LIN37: variants seen among roughly 807,000 people sequenced by gnomAD.
LIN37 encodes lin-37 DREAM MuvB core complex component, also known as protein lin-37 homolog.
Under a neutral mutation model 38.0 loss-of-function variants are expected in LIN37, and 21 were observed. The observed-to-expected ratio is 0.55, with a 90% CI of 0.39 to 0.80. The LOEUF (loss-of-function observed/expected upper bound fraction) is 0.80, where lower values mean the gene tolerates loss of function less well. LIN37 is among the 30% of genes least tolerant of loss of function. The pLI is 0.00. For missense variants in LIN37, 273 were observed against 338.5 expected (o/e 0.81, Z 1.52); for synonymous variants, 126 against 122.9 (o/e 1.03, Z -0.17).
intron 1 of LIN37, among the ~76,000 whole-genome samples, chr19:35,751,383 C>T (rs982863616): frequency 6.6e-6 from 1 of 152,198 alleles, no homozygotes; most frequent in African/African-American, 2.4e-5. Context: ...CCAGATTCTG[C>T]ACTCAGGTTG....
chr19:35,751,140 G>A (rs1009345818), intron 1 of LIN37, among the ~76,000 whole-genome samples: 4 of 151,852 alleles, frequency 2.6e-5, no homozygotes, highest in African/African-American at 9.7e-5. Flanking sequence ...GGTCAACGTG[G>A]TAAGACCCCA....
chr19:35,752,658 C>A (rs1599736921), intron 3 of LIN37, 146 bp from the exon 4 acceptor site: 2 of 1,306,098 alleles, frequency 1.5e-6, no homozygotes, highest in East Asian at 5.0e-5. Context: ...GCCACCTAGA[C>A]CCCCATGGGT....
rs766577305 is a variant in LIN37, at chr19:35,753,320, G to A, written c.444+67G>A. On this transcript the variant is annotated intron_variant, in intron 6 of 8. Transcript: ENST00000301159. ...GGGCAGTGGGTGGATAGGCTCAAAG[G>A]ATCCTGCCCCTAAGCTAGTGGGATA... 1.7e-5 allele frequency: 26 copies of A among 1,512,748 alleles called. 1 individual carries two copies. The South Asian group carries it at 2.9e-4, about 17-fold the overall frequency. The allele number at this position is 1,512,748 out of a possible 1,614,324, so 93.7% of individuals were successfully genotyped here.
At chr19:35,748,966 C>G in intron 1 of LIN37, 1 of 1,436,918 alleles carries the variant, frequency 7.0e-7, no homozygotes, top group Non-Finnish European at 9.2e-7. Flanking sequence ...AATGGGGTGG[C>G]TCGGGCAATG....
chr19:35,753,335 C>A (rs900533471), intron 6 of LIN37, 82 bp downstream of exon 6: 2 of 1,461,232 alleles, frequency 1.4e-6, no homozygotes, highest in African/African-American at 1.4e-5. Context: ...TGCCCCTAAG[C>A]TAGTGGGATA....
rs1970727430 is a variant in LIN37 at position 35,754,471 on chromosome 19, G to A, written c.738G>A (p.Gln246=). 4.3e-6 allele frequency: 7 copies of A among 1,613,950 alleles called. No homozygotes were observed. The highest frequency in any genetic ancestry group is 1.7e-5 in the Admixed American group (1 of 60,012). ...MKILREMYER[Q] ...TCCTACGAGAGATGTACGAACGACA[G>A]TGATGTTCCCAGGTCCCCCCACACC... Residue 246 remains glutamine (Q), a synonymous_variant, in exon 9 of 9, where the codon CAG becomes CAA. Transcript: ENST00000301159.
chr19:35,751,585 G>A (rs913778492), intron 1 of LIN37, among the ~76,000 whole-genome samples: 3 of 152,110 alleles, frequency 2.0e-5, no homozygotes, highest in Non-Finnish European at 4.4e-5. Context: ...TATAGCCCCA[G>A]CTACTTGGGA....
intron 6 of LIN37, 144 bp downstream of exon 6, chr19:35,753,397 G>A: frequency 4.0e-6 from 4 of 993,482 alleles, no homozygotes; most frequent in South Asian, 2.8e-5. Context: ...GCACACAGAT[G>A]TGCACTCTTA....
At position 35,753,204 on chromosome 19, in the gene LIN37, G is replaced by C. The variant is rs199605769; in HGVS notation, c.395G>C (p.Arg132Pro). 1 of 1,564,922 alleles carries C rather than the reference G, an allele frequency of 6.4e-7. No homozygotes were observed. Among genetic ancestry groups the C allele is most frequent in the Non-Finnish European group, 8.7e-7 (1 of 1,155,286 alleles). The part of the protein sequence containing the change: ...WMRNSPSVRE[R>P]ECSPSSPLPP... Reference sequence around the variant, plus strand: ...CGCAACAGCCCCTCTGTGCGCGAGCGTGAATGCTCTCCCAGCTCACCCCTG... The same window carrying C: ...CGCAACAGCCCCTCTGTGCGCGAGCCTGAATGCTCTCCCAGCTCACCCCTG... The change falls in exon 6 of 9, where the codon CGT becomes CCT. Residue 132 changes from arginine to proline, a missense_variant. Physicochemically the swap from Arg to Pro is moderately radical, Grantham distance 103. Transcript: ENST00000301159.
chr19:35,751,909 A>G (rs1458869743), intron 1 of LIN37: 1 of 258,892 alleles, frequency 3.9e-6, no homozygotes, highest in African/African-American at 2.2e-5. Flanking sequence ...TTATATTAAA[A>G]CACATTTTTT....
chr19:35,753,471 GA>G, intron 6 of LIN37: 1 of 649,404 alleles, frequency 1.5e-6, no homozygotes, highest in South Asian at 1.7e-5. Context: ...GGGAGACAGG[GA>G]ACAGGGTTAC....
chr19:35,754,456 G>A lies in LIN37; in HGVS notation c.723G>A (p.Glu241=), dbSNP rs1298197550. ...RYSESMKILR[E]MYERQ ...CAGAAAGCATGAAGATCCTACGAGA[G>A]ATGTACGAACGACAGTGATGTTCCC... Residue 241 remains glutamate, a synonymous_variant, in exon 9 of 9, where the codon GAG becomes GAA. Coordinates refer to ENST00000301159, the MANE Select transcript of LIN37 (RefSeq NM_019104.3). 4.3e-6 allele frequency: 7 copies of A among 1,613,930 alleles called. No homozygotes were observed. The highest frequency in any genetic ancestry group is 5.9e-6 in the Non-Finnish European group (7 of 1,179,904).
chr19:35,753,838 G>A, intron 6 of LIN37, 179 bp from the exon 7 acceptor site: 3 of 656,240 alleles, frequency 4.6e-6, no homozygotes, highest in Non-Finnish European at 7.8e-6. Flanking sequence ...CCCTGGGGCA[G>A]GCACACTTGA....
rs1970702263 is a variant in LIN37, at chr19:35,753,076, C to T, written c.278-11C>T. On this transcript the variant is annotated splice_polypyrimidine_tract_variant and intron_variant, in intron 5 of 8. Coordinates refer to ENST00000301159, the MANE Select transcript of LIN37 (RefSeq NM_019104.3). ...AGGATGCTCACACACCTCCCATCCC[C>T]ACCTTCCCAGACACATATGTGATCA... The T allele has an allele frequency of 3.7e-6, 6 of 1,602,178 alleles. No individual in the cohort carries two copies. In the South Asian group the frequency reaches 5.6e-5, roughly 15 times the overall value.
intron 6 of LIN37, chr19:35,753,612 G>T: frequency 2.0e-6 from 1 of 498,432 alleles, no homozygotes. Flanking sequence ...GAATGGATGG[G>T]AGTCTATAAG....
chr19:35,750,956 G>A (rs746535454), intron 1 of LIN37, among the ~76,000 whole-genome samples: 13 of 151,454 alleles, frequency 8.6e-5, no homozygotes, highest in Non-Finnish European at 1.9e-4. Context: ...GCAAGACTCC[G>A]TCTCAAAAAA....
intron 3 of LIN37, 24 bp downstream of exon 3, chr19:35,752,508 G>A: frequency 6.2e-7 from 1 of 1,612,956 alleles, no homozygotes; most frequent in Non-Finnish European, 8.5e-7. Context: ...ATTGGATTTG[G>A]AGTTGAGAGT....
chr19:35,753,400 C>A, intron 6 of LIN37, 147 bp downstream of exon 6: 1 of 968,510 alleles, frequency 1.0e-6, no homozygotes, highest in Non-Finnish European at 1.6e-6. Context: ...CACAGATGTG[C>A]ACTCTTAGGT....
At chr19:35,752,545 C>G (rs1019123595) in intron 3 of LIN37, 61 bp downstream of exon 3, 26 of 1,566,700 alleles carry the variant, frequency 1.7e-5, no homozygotes, top group Non-Finnish European at 2.2e-5. Context: ...CTTTCCTTAT[C>G]CAAGCCCTGA....
Sources: gnomAD v4.1 joint callset for allele counts (sites outside exome capture counted in the v4.1 genomes callset) on GRCh38, gnomAD v4.1.1 for gene constraint, MANE v1.5 for transcripts, NCBI Gene and HGNC (gene_info 2026-07-23, HGNC 2026-07-21) for gene names.